Variants in MEIOB observed in about 807,000 individuals in gnomAD.
MEIOB encodes the protein meiosis specific with OB-fold.
In MEIOB, 50 loss-of-function variants were observed where a neutral mutation model predicts 53.1. The observed-to-expected ratio is 0.94, with a 90% CI of 0.75 to 1.19. The LOEUF is 1.19. Among genes scored for constraint, MEIOB ranks in the 50% most tolerant of loss-of-function variants. MEIOB has a pLI of 0.00. For missense variants in MEIOB, 551 were observed against 550.8 expected, an observed-to-expected ratio of 1.00 and a Z score of 0.00; for synonymous variants, 192 against 182.5, an observed-to-expected ratio of 1.05 and a Z score of -0.42.
At chr16:1,868,959 C>T (rs977761035) in intron 1 of MEIOB, among the ~76,000 whole-genome samples, 34 of 152,014 alleles carry the variant, frequency 2.2e-4, no homozygotes, top group African/African-American at 7.0e-4. Flanking sequence ...AAATTAATAT[C>T]GATTAAACCT....
intron 1 of MEIOB, among the ~76,000 whole-genome samples, chr16:1,868,810 G>A (rs1026132042): frequency 6.6e-6 from 1 of 152,000 alleles, no homozygotes; most frequent in Admixed American, 6.6e-5. Context: ...AGCTGAGATG[G>A]CACCACTGCA....
chr16:1,853,668 T>C (rs1452633562), intron 7 of MEIOB, among the ~76,000 whole-genome samples: 1 of 152,218 alleles, frequency 6.6e-6, no homozygotes, highest in African/African-American at 2.4e-5. Flanking sequence ...ATCAGTTCCT[T>C]TGGTACCCAG....
chr16:1,834,316 C>T lies in MEIOB; in HGVS notation c.1356G>A (p.Ser452=), dbSNP rs200103329. The change falls in exon 14 of 14, where the codon TCG becomes TCA. Residue 452 remains serine (S), a synonymous_variant. Coordinates refer to ENST00000325962, the MANE Select transcript of MEIOB (RefSeq NM_001163560.3). Reference sequence around the variant, plus strand: ...CCTCAGTAGGATCTGCAAGCTTGCACGAGAGTACACTAATTTTCAATCCAC... The same window carrying T: ...CCTCAGTAGGATCTGCAAGCTTGCATGAGAGTACACTAATTTTCAATCCAC... The part of the protein sequence containing the change: ...ARSGLKISVL[S]CKLADPTEAS... 1.2e-4 allele frequency: 194 copies of T among 1,613,046 alleles called. No individual in the cohort carries two copies. Among genetic ancestry groups the T allele is most frequent in the Non-Finnish European group, 1.5e-4 (178 of 1,179,352 alleles).
chr16:1,840,477 T>C (rs1487251396), intron 11 of MEIOB, among the ~76,000 whole-genome samples: 1 of 152,048 alleles, frequency 6.6e-6, no homozygotes, highest in Non-Finnish European at 1.5e-5. Flanking sequence ...TGTGACATGG[T>C]ACTATCACTT....
intron 6 of MEIOB, among the ~76,000 whole-genome samples, chr16:1,857,239 G>C (rs573609145): frequency 6.6e-6 from 1 of 152,076 alleles, no homozygotes; most frequent in Non-Finnish European, 1.5e-5. Flanking sequence ...CCATCCTCCC[G>C]TGCACCTCAC....
At chr16:1,870,835 A>G (rs2982234) in intron 1 of MEIOB, among the ~76,000 whole-genome samples, 125,544 of 152,132 alleles carry the variant, frequency 0.83, 51,927 homozygotes, top group Middle Eastern at 0.9. Flanking sequence ...AAATTCATTC[A>G]CTCATTCAAC....
At chr16:1,835,483 C>A (rs1898718188) in intron 13 of MEIOB, among the ~76,000 whole-genome samples, 1 of 151,956 alleles carries the variant, frequency 6.6e-6, no homozygotes, top group South Asian at 2.1e-4. Context: ...ACATATCAAC[C>A]ACTTTAATTT....
intron 11 of MEIOB, among the ~76,000 whole-genome samples, 184 bp downstream of exon 11, chr16:1,841,636 C>A (rs775943281): frequency 6.6e-6 from 1 of 152,110 alleles, no homozygotes; most frequent in East Asian, 1.9e-4. Flanking sequence ...TTTTAAAAGG[C>A]AATTATAATA....
chr16:1,864,072 T>C (rs1321349077), intron 3 of MEIOB, among the ~76,000 whole-genome samples: 1 of 152,174 alleles, frequency 6.6e-6, no homozygotes, highest in East Asian at 1.9e-4. Flanking sequence ...GAAGACCACT[T>C]GAGCCCAGGG....
At chr16:1,871,515 G>A (rs1415480161) in intron 1 of MEIOB, among the ~76,000 whole-genome samples, 2 of 117,838 alleles carry the variant, frequency 1.7e-5, no homozygotes, top group South Asian at 5.4e-4. Flanking sequence ...CACCGCGCCC[G>A]GCCCTTTTTT....
At chr16:1,862,300 T>C (rs1456981097) in intron 3 of MEIOB, among the ~76,000 whole-genome samples, 184 bp from the exon 4 acceptor site, 1 of 152,216 alleles carries the variant, frequency 6.6e-6, no homozygotes, top group Non-Finnish European at 1.5e-5. Context: ...TTCTTTCAGA[T>C]GTATATTCTA....
intron 1 of MEIOB, among the ~76,000 whole-genome samples, chr16:1,868,574 G>C (rs1899652480): frequency 6.6e-6 from 1 of 151,672 alleles, no homozygotes; most frequent in Non-Finnish European, 1.5e-5. Flanking sequence ...AAATATTATT[G>C]GCCAGGTGCG....
At chr16:1,865,879 T>C (rs1567282136) in intron 2 of MEIOB, 44 bp from the exon 3 acceptor site, 9 of 1,346,740 alleles carry the variant, frequency 6.7e-6, no homozygotes, top group Non-Finnish European at 8.1e-6. Context: ...TAAACACAGA[T>C]GTACTTGATA....
intron 13 of MEIOB, among the ~76,000 whole-genome samples, chr16:1,836,281 T>C (rs142012118): frequency 6.6e-6 from 1 of 152,364 alleles, no homozygotes; most frequent in Admixed American, 6.5e-5. Context: ...TGAATATTTG[T>C]TAAAGCCACC....
chr16:1,841,725 CAACA>C, intron 11 of MEIOB, 91 bp downstream of exon 11: 2 of 970,502 alleles, frequency 2.1e-6, no homozygotes, highest in Non-Finnish European at 2.8e-6. Context: ...CCTGTTACAT[CAACA>C]AACAGCTTTA....
At chr16:1,856,298 G>A (rs998165860) in intron 6 of MEIOB, among the ~76,000 whole-genome samples, 14 of 144,388 alleles carry the variant, frequency 9.7e-5, no homozygotes, top group African/African-American at 3.4e-4. Context: ...TGGGACTGCA[G>A]GAACCTGTCA....
chr16:1,851,290 C>T (rs1038299074), intron 9 of MEIOB, among the ~76,000 whole-genome samples: 1 of 152,214 alleles, frequency 6.6e-6, no homozygotes, highest in Non-Finnish European at 1.5e-5. Flanking sequence ...AGGCACAGGG[C>T]TTTCCCTTGG....
intron 12 of MEIOB, among the ~76,000 whole-genome samples, chr16:1,838,716 A>C (rs559301311): frequency 6.6e-6 from 1 of 152,074 alleles, no homozygotes; most frequent in Admixed American, 6.6e-5. Context: ...ATTTGGAGAC[A>C]AGTCTTGCTC....
intron 1 of MEIOB, among the ~76,000 whole-genome samples, chr16:1,870,857 T>G (rs1344867694): frequency 6.6e-6 from 1 of 152,172 alleles, no homozygotes; most frequent in Non-Finnish European, 1.5e-5. Flanking sequence ...ATTCAACTAA[T>G]ATTTATTTAC....
Sources: allele counts gnomAD v4.1 joint callset (sites outside exome capture counted in the v4.1 genomes callset), GRCh38; gene constraint gnomAD v4.1.1; transcripts MANE v1.5; gene names NCBI Gene and HGNC (gene_info 2026-07-23, HGNC 2026-07-21).